Variants in NPAS3 observed in about 807,000 individuals in gnomAD.
NPAS3 encodes neuronal PAS domain-containing protein 3.
Under a neutral mutation model 73.1 loss-of-function variants are expected in NPAS3, and 14 were observed. The observed-to-expected ratio is 0.19, with a 90% CI of 0.13 to 0.30. The LOEUF (loss-of-function observed/expected upper bound fraction) is 0.30. Among genes scored for constraint, NPAS3 ranks in the 10% least tolerant of loss-of-function variants. The pLI, the probability that NPAS3 is intolerant of heterozygous loss-of-function variation, is 1.00. For synonymous variants in NPAS3, 620 were observed against 541.5 expected (o/e 1.14, Z -2.01); for missense variants, 1,096 against 1,250.0 (o/e 0.88, Z 1.86).
chr14:32,965,518 A>G (rs967334664), intron 1 of NPAS3, among the ~76,000 whole-genome samples: 2 of 152,210 alleles, frequency 1.3e-5, no homozygotes, highest in African/African-American at 2.4e-5. Flanking sequence ...TTTCTTTATT[A>G]TAAAAACCCT....
At chr14:33,663,380 G>A (rs556511062) in intron 5 of NPAS3, among the ~76,000 whole-genome samples, 55 of 152,130 alleles carry the variant, frequency 3.6e-4, no homozygotes, top group South Asian at 1.7e-3. Flanking sequence ...ATTGATTTGC[G>A]TATGTTGAAC....
At position 33,540,884 on chromosome 14, in the gene NPAS3, A is replaced by T. The variant is rs754991504; in HGVS notation, c.469-19237A>T. Among the ~76,000 whole-genome samples, 4 of 152,148 alleles carry T rather than the reference A, an allele frequency of 2.6e-5. No homozygotes were observed. The South Asian group carries it at 8.3e-4, about 32-fold the overall frequency. On this transcript the variant is annotated intron_variant, in intron 4 of 11. Transcript: ENST00000356141. The stretch of plus-strand genomic sequence containing the variant: ...TCAAGCTAAAGAAACCAGGCGTGGA[A>T]GTTGCATTTTTTGAAGAGGGATTAT...
chr14:33,015,571 A>G (rs2039360977), intron 1 of NPAS3, among the ~76,000 whole-genome samples: 1 of 116,516 alleles, frequency 8.6e-6, no homozygotes, highest in Admixed American at 8.7e-5. Flanking sequence ...AAGAACTTAC[A>G]ATGTAAGGAC....
chr14:33,547,963 T>C (rs2054924192), intron 4 of NPAS3, among the ~76,000 whole-genome samples: 1 of 152,260 alleles, frequency 6.6e-6, no homozygotes, highest in South Asian at 2.1e-4. Flanking sequence ...TGTAGTCTTC[T>C]GATTCTAGAC....
chr14:32,964,131 C>T (rs1438790803), intron 1 of NPAS3, among the ~76,000 whole-genome samples: 4 of 120,496 alleles, frequency 3.3e-5, no homozygotes, highest in Non-Finnish European at 4.8e-5. Flanking sequence ...AAAGTTTCTT[C>T]AGCGCTTTTG....
intron 1 of NPAS3, among the ~76,000 whole-genome samples, chr14:32,993,551 C>A (rs1427193909): frequency 6.6e-6 from 1 of 152,118 alleles, no homozygotes; most frequent in Admixed American, 6.5e-5. Flanking sequence ...CTAGAAATGA[C>A]CACTGAATTT....
intron 6 of NPAS3, among the ~76,000 whole-genome samples, chr14:33,711,862 G>T (rs1465043321): frequency 2.0e-5 from 3 of 152,070 alleles, no homozygotes; most frequent in African/African-American, 7.2e-5. Flanking sequence ...CCAAGAAAGA[G>T]AGCAGACCTC....
intron 4 of NPAS3, among the ~76,000 whole-genome samples, chr14:33,403,018 C>T (rs1382161020): frequency 6.6e-6 from 1 of 152,080 alleles, no homozygotes; most frequent in African/African-American, 2.4e-5. Context: ...TGTATGCTGA[C>T]TTGGCATTGG....
In NPAS3 at chr14:33,042,521, C is replaced by A. The variant is rs556537107; in HGVS notation, c.51-13384C>A. Among the ~76,000 whole-genome samples, 20 of 152,262 alleles carry A rather than the reference C, an allele frequency of 1.3e-4. No homozygotes were observed. The South Asian group carries it at 3.7e-3, about 28-fold the overall frequency. ...TGTAGAAAGCTCTGCCAAAATAAAA[C>A]CTTTGCCAAAATATCAATGCAATTG... On this transcript the variant is annotated intron_variant, in intron 1 of 11. Transcript: ENST00000356141.
intron 3 of NPAS3, among the ~76,000 whole-genome samples, chr14:33,254,944 A>G (rs2048722116): frequency 6.6e-6 from 1 of 151,906 alleles, no homozygotes; most frequent in East Asian, 1.9e-4. Flanking sequence ...ATTTCTGGAA[A>G]CATTGGAGGA....
At chr14:33,413,167 T>A (rs1377275704) in intron 4 of NPAS3, among the ~76,000 whole-genome samples, 1 of 152,140 alleles carries the variant, frequency 6.6e-6, no homozygotes, top group Non-Finnish European at 1.5e-5. Context: ...GCTGGAGTAT[T>A]TTTAGTGCTT....
At chr14:33,070,858 T>TA (rs2041461348) in intron 2 of NPAS3, among the ~76,000 whole-genome samples, 1 of 152,226 alleles carries the variant, frequency 6.6e-6, no homozygotes, top group African/African-American at 2.4e-5. Context: ...GACATAGGTA[T>TA]AAATATGTTA....
chr14:33,307,593 A>ATGTGTGTGTGTGTGTG (rs10528551), intron 3 of NPAS3, among the ~76,000 whole-genome samples: 6,708 of 138,978 alleles, frequency 0.048, 232 homozygotes, highest in Non-Finnish European at 0.058. Flanking sequence ...TTTTTTTTCA[A>ATGTGTGTGTGTGTGTG]TGTGTGTGTG....
intron 2 of NPAS3, among the ~76,000 whole-genome samples, chr14:33,116,447 T>C (rs1298754954): frequency 6.6e-6 from 1 of 152,144 alleles, no homozygotes; most frequent in Non-Finnish European, 1.5e-5. Flanking sequence ...TATGTATATA[T>C]ATTTAACCTC....
intron 6 of NPAS3, among the ~76,000 whole-genome samples, chr14:33,704,221 ATATGAGT>A (rs1482368342): frequency 6.6e-6 from 1 of 152,224 alleles, no homozygotes; most frequent in Non-Finnish European, 1.5e-5. Flanking sequence ...TAGATGGCTA[ATATGAGT>A]TATGAAAGTG....
intron 6 of NPAS3, among the ~76,000 whole-genome samples, chr14:33,721,472 G>A (rs1036959041): frequency 4.6e-5 from 7 of 151,982 alleles, no homozygotes; most frequent in South Asian, 2.1e-4. Context: ...TTTAGCATGC[G>A]TAATTTTAAC....
intron 5 of NPAS3, among the ~76,000 whole-genome samples, chr14:33,671,355 CAA>C (rs1405643785): frequency 6.6e-6 from 1 of 152,190 alleles, no homozygotes; most frequent in Non-Finnish European, 1.5e-5. Flanking sequence ...AAAGTCAGCT[CAA>C]ACCACTGTAC....
intron 4 of NPAS3, among the ~76,000 whole-genome samples, chr14:33,418,903 AT>A (rs982936998): frequency 2.6e-5 from 4 of 151,852 alleles, no homozygotes. Flanking sequence ...GTTAACAGTT[AT>A]TTTACTACTG....
intron 2 of NPAS3, among the ~76,000 whole-genome samples, chr14:33,061,722 G>C (rs114908263): frequency 1.3e-5 from 2 of 152,096 alleles, no homozygotes; most frequent in African/African-American, 4.8e-5. Context: ...TACACGAACT[G>C]TTCTACACTA....
Sources: gnomAD v4.1 joint callset for allele counts (sites outside exome capture counted in the v4.1 genomes callset) on GRCh38, gnomAD v4.1.1 for gene constraint, MANE v1.5 for transcripts, NCBI Gene and HGNC (gene_info 2026-07-23, HGNC 2026-07-21) for gene names.